Variants in ASPM observed in about 807,000 individuals in gnomAD.
ASPM encodes assembly factor for spindle microtubules.
Under a neutral mutation model 366.4 loss-of-function variants are expected in ASPM, and 256 were observed. The observed-to-expected ratio is 0.70, with a 90% CI of 0.63 to 0.77. The LOEUF (loss-of-function observed/expected upper bound fraction) is 0.77, where lower values mean the gene tolerates loss of function less well. Among genes scored for constraint, ASPM ranks in the 30% least tolerant of loss-of-function variants. ASPM has a pLI of 0.00. For missense variants in ASPM, 4,146 were observed against 4,090.4 expected (o/e 1.01, Z -0.37); for synonymous variants, 1,414 against 1,342.9 (o/e 1.05, Z -1.16).
chr1:197,100,393 G>A (rs1046523721), intron 18 of ASPM, 38 bp downstream of exon 18: 4 of 1,294,874 alleles, frequency 3.1e-6, no homozygotes, highest in African/African-American at 1.5e-5. Context: ...TCAAAAGAAA[G>A]ACTCACAGTT....
rs6685259 is a variant in ASPM at position 197,123,968 on chromosome 1, A to T, written c.3390+142T>A. 0.91 allele frequency: 621,785 copies of T among 683,876 alleles called. 283,149 individuals carry two copies. Among genetic ancestry groups the T allele is most frequent in the East Asian group, 1 (36,799 of 36,806 alleles). 42.4% of individuals were successfully genotyped at this position (683,876 alleles called of 1,614,324 possible). A position where few individuals can be genotyped will look rare whatever the true frequency, so the allele number is the denominator to read the frequency against. ...TTAGATGAAATACAGTGTATGATAA[A>T]ACATTCACTCATTTGAGGGAAAGTT... On this transcript the variant is annotated intron_variant, in intron 13 of 27. Coordinates refer to ENST00000367409, the MANE Select transcript of ASPM (RefSeq NM_018136.5).
chr1:197,113,579 C>T (rs1040675469), intron 17 of ASPM, among the ~76,000 whole-genome samples: 1 of 152,024 alleles, frequency 6.6e-6, no homozygotes, highest in African/African-American at 2.4e-5. Context: ...CATAGGCATA[C>T]ATCTACAAGG....
At position 197,136,486 on chromosome 1, in the gene ASPM, T is replaced by A. The variant is rs193182495; in HGVS notation, c.2027-1244A>T. On this transcript the variant is annotated intron_variant, in intron 4 of 27. Transcript: ENST00000367409. ...ATGAATAAAGATATAATCTGTGACA[T>A]CAATAACCTAAAAAGAGTAGAGCTA... 5.8e-4 allele frequency among the ~76,000 whole-genome samples: 89 copies of A among 152,258 alleles called. 1 individual carries two copies. Among genetic ancestry groups the A allele is most frequent in the African/African-American group, 1.8e-3 (74 of 41,574 alleles).
In ASPM at chr1:197,139,880, A is replaced by G. The variant is rs1658530615; in HGVS notation, c.1922-9T>C. ...TCTGAATATTGATAAATCTAAAATAAATTAGAAAACAAAACTAAGAGCATT... is the reference window on the plus strand; with the variant it reads ...TCTGAATATTGATAAATCTAAAATAGATTAGAAAACAAAACTAAGAGCATT... On this transcript the variant is annotated splice_polypyrimidine_tract_variant and intron_variant, in intron 3 of 27. Coordinates refer to ENST00000367409, the MANE Select transcript of ASPM (RefSeq NM_018136.5). 3 of 1,551,894 alleles carry G rather than the reference A, an allele frequency of 1.9e-6. No individual in the cohort carries two copies. The highest frequency in any genetic ancestry group is 2.7e-5 in the African/African-American group (2 of 73,550).
Position 197,092,068 on chromosome 1 carries a change from A to G in ASPM, c.9295-12T>C, listed in dbSNP as rs776861139. ...CTCTGTTCTAAAAACTAAAGGTGAA[A>G]AAACAAAGCATATTCAAGTATCTGC... On this transcript the variant is annotated splice_polypyrimidine_tract_variant and intron_variant, in intron 21 of 27. Coordinates refer to ENST00000367409, the MANE Select transcript of ASPM (RefSeq NM_018136.5). 10 of 1,610,806 alleles carry G rather than the reference A, an allele frequency of 6.2e-6. No homozygotes were observed.
At chr1:197,114,688 C>T (rs1352020874) in intron 17 of ASPM, among the ~76,000 whole-genome samples, 4 of 152,204 alleles carry the variant, frequency 2.6e-5, no homozygotes, top group Admixed American at 2.0e-4. Flanking sequence ...ATCCTCCCAC[C>T]TCAGCTTCCT....
chr1:197,111,241 A>G (rs970062072), intron 17 of ASPM, among the ~76,000 whole-genome samples: 3 of 152,116 alleles, frequency 2.0e-5, no homozygotes, highest in African/African-American at 2.4e-5. Flanking sequence ...TCAAAAAACA[A>G]AAAACAAATA....
intron 17 of ASPM, among the ~76,000 whole-genome samples, chr1:197,107,061 T>C (rs1477787166): frequency 6.6e-6 from 1 of 152,032 alleles, no homozygotes; most frequent in Non-Finnish European, 1.5e-5. Context: ...TAGAGCAGTG[T>C]AACTCAATCT....
At chr1:197,116,770 G>T (rs181855729) in intron 17 of ASPM, among the ~76,000 whole-genome samples, 5 of 152,172 alleles carry the variant, frequency 3.3e-5, no homozygotes, top group Admixed American at 3.3e-4. Context: ...ACTCAACGCT[G>T]ATAAATCTCA....
At chr1:197,094,573 G>A (rs1275431924) in intron 19 of ASPM, among the ~76,000 whole-genome samples, 2 of 151,662 alleles carry the variant, frequency 1.3e-5, no homozygotes, top group Non-Finnish European at 3.0e-5. Context: ...GCAGACGGGA[G>A]GTGGTTAAGA....
chr1:197,119,732 TG>T (rs927624939), intron 16 of ASPM, among the ~76,000 whole-genome samples: 19 of 152,288 alleles, frequency 1.2e-4, no homozygotes, highest in African/African-American at 4.3e-4. Flanking sequence ...TCTTTTGCTT[TG>T]GAGTTTATGG....
At chr1:197,138,404 G>A (rs1307429960) in intron 4 of ASPM, among the ~76,000 whole-genome samples, 1 of 152,066 alleles carries the variant, frequency 6.6e-6, no homozygotes, top group Non-Finnish European at 1.5e-5. Flanking sequence ...TGGGGCCCAA[G>A]TGACTCTCCC....
In ASPM at chr1:197,088,410, ACTG is replaced by A. The variant is rs1329111431; in HGVS notation, c.10004_10006del (p.Ala3335del). The A allele has an allele frequency of 3.7e-6, 6 of 1,605,724 alleles. No individual in the cohort carries two copies. The East Asian group carries it at 1.3e-4, about 36-fold the overall frequency. The stretch of plus-strand genomic sequence containing the variant: ...ATCTATACAATTTTCTACATCATAA[ACTG>A]CTGAAGTAGTTTTCTCATACTTGAA... On this transcript the variant is annotated inframe_deletion, in exon 26 of 28. Transcript: ENST00000367409.
At position 197,102,636 on chromosome 1, in the gene ASPM, C is replaced by T. The variant is rs1657235198; in HGVS notation, c.6615G>A (p.Gln2205=). The T allele has an allele frequency of 6.2e-7, 1 of 1,612,626 alleles. No homozygotes were observed. Among genetic ancestry groups the T allele is most frequent in the African/African-American group, 1.3e-5 (1 of 74,920 alleles). The change falls in exon 18 of 28, where the codon CAG becomes CAA. Residue 2205 remains glutamine, a synonymous_variant. Transcript: ENST00000367409. The stretch of plus-strand genomic sequence containing the variant: ...TCTTTAACTTATTAAAGTATGTTTG[C>T]TGTCTGTATCTTCTGTAGTTTGACT... ...LIQSNYRRYR[Q]QTYFNKLKKI...
chr1:197,118,451 C>T (rs1238041966), intron 16 of ASPM, among the ~76,000 whole-genome samples: 2 of 151,956 alleles, frequency 1.3e-5, no homozygotes, highest in African/African-American at 4.8e-5. Flanking sequence ...GCACAGAATA[C>T]ATTGTGGCCT....
chr1:197,084,903 G>A (rs1656538639), intron 27 of ASPM, among the ~76,000 whole-genome samples: 1 of 151,950 alleles, frequency 6.6e-6, no homozygotes, highest in South Asian at 2.1e-4. Flanking sequence ...CTGAAATCTT[G>A]AGACTTCCAT....
In ASPM at chr1:197,101,394, T is replaced by C. The variant is rs746179916; in HGVS notation, c.7857A>G (p.Lys2619=). 9.3e-6 allele frequency: 15 copies of C among 1,608,138 alleles called. No homozygotes were observed. Among genetic ancestry groups the C allele is most frequent in the Non-Finnish European group, 1.2e-5 (14 of 1,178,704 alleles). ...QAGFQDMNIK[K]QIQEQHQAAI... ...CAGCCTGGTGCTGTTCCTGAATCTGTTTTTTTATGTTCATGTCCTGAAAAC... is the reference window on the plus strand; with the variant it reads ...CAGCCTGGTGCTGTTCCTGAATCTGCTTTTTTATGTTCATGTCCTGAAAAC... The change falls in exon 18 of 28, where the codon AAA becomes AAG. Residue 2619 remains lysine, a synonymous_variant. Transcript: ENST00000367409.
chr1:197,116,665 T>C (rs553553989), intron 17 of ASPM, among the ~76,000 whole-genome samples: 1 of 152,142 alleles, frequency 6.6e-6, no homozygotes, highest in African/African-American at 2.4e-5. Flanking sequence ...CCTTTAATCA[T>C]AATAGCTCAA....
intron 12 of ASPM, among the ~76,000 whole-genome samples, 168 bp from the exon 13 acceptor site, chr1:197,124,499 C>A (rs1287144597): frequency 1.3e-5 from 2 of 151,762 alleles, no homozygotes; most frequent in Non-Finnish European, 2.9e-5. Flanking sequence ...TATTTTAGTA[C>A]AAAACAGTCG....
Sources: gnomAD v4.1 joint callset for allele counts (sites outside exome capture counted in the v4.1 genomes callset) on GRCh38, gnomAD v4.1.1 for gene constraint, MANE v1.5 for transcripts, NCBI Gene and HGNC (gene_info 2026-07-23, HGNC 2026-07-21) for gene names.